The following TFDP2 variants were observed in gnomAD, a reference collection of about 807,000 sequenced individuals.
The protein encoded by TFDP2 is transcription factor Dp-2 (E2F dimerization partner 2).
TFDP2 carries 17 observed loss-of-function variants against 59.3 expected under a neutral mutation model. That is an observed-to-expected ratio of 0.29 (90% CI 0.20 to 0.43). The LOEUF is 0.43. Ranked by LOEUF, TFDP2 falls within the 20% of genes least tolerant of loss-of-function variation. The probability of loss-of-function intolerance (pLI) is 1.00; values close to 1 mark genes in which losing one functional copy is unlikely to be tolerated. For missense variants in TFDP2, 391 were observed against 528.8 expected, an observed-to-expected ratio of 0.74 and a Z score of 2.56; for synonymous variants, 180 against 194.7, an observed-to-expected ratio of 0.92 and a Z score of 0.63.
intron 1 of TFDP2, among the ~76,000 whole-genome samples, chr3:142,137,441 G>A (rs2108743401): frequency 1.3e-5 from 2 of 152,264 alleles, no homozygotes; most frequent in South Asian, 4.1e-4. Context: ...GGTGAGAGAG[G>A]GCATCCTTGT....
At chr3:142,051,146 G>C (rs1318779484) in intron 3 of TFDP2, among the ~76,000 whole-genome samples, 2 of 152,114 alleles carry the variant, frequency 1.3e-5, no homozygotes, top group Non-Finnish European at 2.9e-5. Context: ...TTTTGTTCTG[G>C]AAGACTCTCC....
At chr3:141,993,640 T>C (rs940742509) in intron 5 of TFDP2, 55 bp from the exon 6 acceptor site, 13 of 1,058,888 alleles carry the variant, frequency 1.2e-5, no homozygotes, top group Non-Finnish European at 1.8e-5. Context: ...ACAATTTAAT[T>C]TCATTAATAC....
intron 7 of TFDP2, among the ~76,000 whole-genome samples, chr3:141,975,380 CTG>C: frequency 6.6e-6 from 1 of 152,082 alleles, no homozygotes; most frequent in African/African-American, 2.4e-5. Flanking sequence ...AGTTATAGAA[CTG>C]AATGTAAATA....
At position 141,952,926 on chromosome 3, in the gene TFDP2, G is replaced by A. The variant is rs1404227169; in HGVS notation, c.1142C>T (p.Thr381Ile). ...AAATACGTACCTTGACTGGGGTAAG[G>A]TGGCACCAGTGGTCAGGTCTAAATT... ...VSNLDLTTGA[T>I]LPQSSVNQGL... Residue 381 changes from threonine to isoleucine, a missense_variant, in exon 12 of 13, where the codon ACC (threonine) becomes ATC (isoleucine). By Grantham distance (89) the Thr-to-Ile change is moderately conservative. This residue lies in a region of TFDP2 where 223 missense variants were observed against 292.5 expected (regional missense o/e 0.76). Transcript: ENST00000489671. The A allele has an allele frequency of 6.2e-7, 1 of 1,614,022 alleles. No homozygotes were observed. Among genetic ancestry groups the A allele is most frequent in the Non-Finnish European group, 8.5e-7 (1 of 1,179,918 alleles).
intron 8 of TFDP2, among the ~76,000 whole-genome samples, chr3:141,970,550 T>G (rs1939564539): frequency 6.6e-6 from 1 of 152,196 alleles, no homozygotes; most frequent in African/African-American, 2.4e-5. Context: ...CCACTTTGCA[T>G]CGAAGGGAAC....
chr3:141,984,700 T>C (rs143964208), intron 6 of TFDP2, among the ~76,000 whole-genome samples: 1 of 152,292 alleles, frequency 6.6e-6, no homozygotes, highest in African/African-American at 2.4e-5. Flanking sequence ...TATTTCTCCA[T>C]GGTTCTTTTG....
chr3:142,024,913 G>C (rs999408307), intron 3 of TFDP2, among the ~76,000 whole-genome samples: 4 of 151,960 alleles, frequency 2.6e-5, no homozygotes, highest in African/African-American at 9.7e-5. Context: ...TCAGCTACTC[G>C]GGAGGCTGAG....
intron 3 of TFDP2, among the ~76,000 whole-genome samples, chr3:142,036,810 G>C (rs76058098): frequency 0.057 from 8,644 of 152,238 alleles, 304 homozygotes; most frequent in Middle Eastern, 0.11. Context: ...TTACCAGCAA[G>C]TAGCTCCATT....
rs532046665 is a variant in TFDP2 at position 142,079,119 on chromosome 3, C to G, written c.82+13942G>C. Among the ~76,000 whole-genome samples the G allele has an allele frequency of 8.6e-5, 13 of 151,880 alleles. No homozygotes were observed. In the East Asian group the frequency reaches 2.3e-3, roughly 27 times the overall value. Reference sequence around the variant, plus strand: ...AATACACAGTCCCAGCCTGGCCAACCTGGTGAAGCCCCATCTCTACTAAAA... The same window carrying G: ...AATACACAGTCCCAGCCTGGCCAACGTGGTGAAGCCCCATCTCTACTAAAA... On this transcript the variant is annotated intron_variant, in intron 3 of 12. Transcript: ENST00000489671.
chr3:142,073,198 T>C (rs2060306944), intron 3 of TFDP2, among the ~76,000 whole-genome samples: 1 of 152,084 alleles, frequency 6.6e-6, no homozygotes, highest in Non-Finnish European at 1.5e-5. Flanking sequence ...GCCTCCTGAG[T>C]AGCTAGGAGT....
intron 1 of TFDP2, among the ~76,000 whole-genome samples, chr3:142,143,698 G>A (rs941591591): frequency 7.2e-5 from 11 of 152,146 alleles, no homozygotes; most frequent in Admixed American, 3.3e-4. Flanking sequence ...AAACTACAAT[G>A]AGCTATCATT....
At chr3:142,063,627 G>A (rs914796419) in intron 3 of TFDP2, among the ~76,000 whole-genome samples, 1 of 152,144 alleles carries the variant, frequency 6.6e-6, no homozygotes. Flanking sequence ...ATTAAAATTG[G>A]TAAAGGGTAA....
At chr3:142,028,027 T>C (rs1335285952) in intron 3 of TFDP2, among the ~76,000 whole-genome samples, 2 of 152,134 alleles carry the variant, frequency 1.3e-5, no homozygotes, top group Non-Finnish European at 2.9e-5. Context: ...ACAAATACTT[T>C]TAAGAAAAAT....
chr3:142,121,252 G>T lies in TFDP2; in HGVS notation c.-92-19411C>A, dbSNP rs2062034755. 6.6e-6 allele frequency among the ~76,000 whole-genome samples: 1 copy of T among 152,160 alleles called. No homozygotes were observed. Among genetic ancestry groups the T allele is most frequent in the African/African-American group, 2.4e-5 (1 of 41,426 alleles). On this transcript the variant is annotated intron_variant, in intron 1 of 12. Coordinates refer to ENST00000489671, the MANE Select transcript of TFDP2 (RefSeq NM_001178139.2). The surrounding 1 kb of genome is among the most constrained non-coding windows in gnomAD (Gnocchi z 4.3). ...CAAACATTTAGTCAATGCCCATCAT[G>T]TACCCAGCATTGTGCTCTACCCAAG... is the stretch of plus-strand genomic sequence containing the variant.
chr3:142,101,792 AAAT>A lies in TFDP2; in HGVS notation c.-46_-44del. 4 of 1,224,798 alleles carry A rather than the reference AAAT, an allele frequency of 3.3e-6. No individual in the cohort carries two copies. The highest frequency in any genetic ancestry group is 4.3e-6 in the Non-Finnish European group (4 of 927,458). The allele number at this position is 1,224,798 out of a possible 1,614,324, so 75.9% of individuals were successfully genotyped here. ...TTAAGATTCTGTAAAGCCATTAAAAAAATAAAAAGAAAAAAACCTTCGTCTTCA... is the reference window on the plus strand; with the variant it reads ...TTAAGATTCTGTAAAGCCATTAAAAAAAAAAGAAAAAAACCTTCGTCTTCA... On this transcript the variant is annotated 5_prime_UTR_variant, in exon 2 of 13. Coordinates refer to ENST00000489671, the MANE Select transcript of TFDP2 (RefSeq NM_001178139.2).
chr3:142,108,006 A>T (rs542203789), intron 1 of TFDP2, among the ~76,000 whole-genome samples: 2 of 152,284 alleles, frequency 1.3e-5, no homozygotes, highest in East Asian at 3.9e-4. Context: ...TTTCAATATT[A>T]AATTGAATTT....
chr3:141,960,679 T>C (rs1937244406), intron 10 of TFDP2, among the ~76,000 whole-genome samples: 1 of 152,082 alleles, frequency 6.6e-6, no homozygotes, highest in African/African-American at 2.4e-5. Context: ...GCAAAAATTA[T>C]AATTTGAAGC....
At chr3:141,962,532 T>C (rs748684122) in intron 10 of TFDP2, among the ~76,000 whole-genome samples, 7 of 152,136 alleles carry the variant, frequency 4.6e-5, no homozygotes, top group Non-Finnish European at 8.8e-5. Flanking sequence ...CTAATTTTTG[T>C]ATTTTTAGTA....
chr3:142,076,826 T>C (rs768270048), intron 3 of TFDP2, among the ~76,000 whole-genome samples: 15 of 152,154 alleles, frequency 9.9e-5, no homozygotes, highest in Non-Finnish European at 1.8e-4. Context: ...GGTCCCTCCA[T>C]TTACAGGAAC....
Sources: allele counts gnomAD v4.1 joint callset (sites outside exome capture counted in the v4.1 genomes callset), GRCh38; gene constraint gnomAD v4.1.1; regional missense constraint gnomAD v4.1.1; non-coding constraint Gnocchi (gnomAD v3.1); transcripts MANE v1.5; gene names NCBI Gene and HGNC (gene_info 2026-07-23, HGNC 2026-07-21).